NFIB: variants seen among roughly 807,000 people sequenced by gnomAD.
The protein encoded by NFIB is nuclear factor 1 B-type.
In NFIB, 11 loss-of-function variants were observed where a neutral mutation model predicts 61.5. The observed-to-expected ratio is 0.18, with a 90% confidence interval of 0.11 to 0.30. The LOEUF is 0.30. Ranked by LOEUF, NFIB falls within the 10% of genes least tolerant of loss-of-function variation. NFIB has a pLI of 1.00. For synonymous variants in NFIB, 260 were observed against 216.5 expected, an observed-to-expected ratio of 1.20 and a Z score of -1.76; for missense variants, 471 against 608.9, an observed-to-expected ratio of 0.77 and a Z score of 2.38.
chr9:14,249,320 G>A (rs2055307827), intron 2 of NFIB, among the ~76,000 whole-genome samples: 1 of 152,180 alleles, frequency 6.6e-6, no homozygotes, highest in South Asian at 2.1e-4. Flanking sequence ...GTGGAGATGA[G>A]ATACTACCTA....
At chr9:14,178,625 TA>T (rs1482194753) in intron 3 of NFIB, among the ~76,000 whole-genome samples, 1 of 152,230 alleles carries the variant, frequency 6.6e-6, no homozygotes, top group Admixed American at 6.5e-5. Context: ...TTTTCTGAAA[TA>T]AAAAAACATA....
chr9:14,247,001 C>G (rs573125410), intron 2 of NFIB, among the ~76,000 whole-genome samples: 4 of 149,932 alleles, frequency 2.7e-5, no homozygotes, highest in Non-Finnish European at 6.0e-5. Flanking sequence ...TTCACTATAT[C>G]TCTCTCTCTC....
At chr9:14,280,310 T>C (rs534693087) in intron 2 of NFIB, among the ~76,000 whole-genome samples, 9 of 152,236 alleles carry the variant, frequency 5.9e-5, no homozygotes, top group Admixed American at 4.6e-4. Flanking sequence ...TACTAATAGA[T>C]CTTGCCTCAT....
At chr9:14,343,319 A>G (rs954079763) in intron 1 of NFIB, among the ~76,000 whole-genome samples, 4 of 152,054 alleles carry the variant, frequency 2.6e-5, no homozygotes, top group African/African-American at 9.7e-5. Flanking sequence ...ATTTTTCTCT[A>G]AGAGGAGGTG....
At chr9:14,508,609 C>T in the NFIB span, among the ~76,000 whole-genome samples, 2 of 152,196 alleles carry the variant, frequency 1.3e-5, no homozygotes, top group Non-Finnish European at 2.9e-5. Flanking sequence ...AAGTCTATCA[C>T]CAGGGAGTGG....
the NFIB span, among the ~76,000 whole-genome samples, chr9:14,449,862 A>T: frequency 3.3e-5 from 5 of 152,046 alleles, no homozygotes; most frequent in African/African-American, 1.2e-4. Context: ...TCAACCCAGG[A>T]GGTGGAGGTT....
chr9:14,238,836 C>T (rs1223644401), intron 2 of NFIB, among the ~76,000 whole-genome samples: 1 of 152,176 alleles, frequency 6.6e-6, no homozygotes, highest in Admixed American at 6.5e-5. Flanking sequence ...AGATATAAAT[C>T]TGTGGGCTTC....
At chr9:14,200,197 C>T (rs1349608326) in intron 2 of NFIB, among the ~76,000 whole-genome samples, 3 of 152,180 alleles carry the variant, frequency 2.0e-5, no homozygotes, top group Non-Finnish European at 4.4e-5. Context: ...AAATTAGCTT[C>T]TCCTCCTTAA....
chr9:14,134,979 A>AT (rs2040873903), intron 6 of NFIB, among the ~76,000 whole-genome samples: 1 of 152,018 alleles, frequency 6.6e-6, no homozygotes, highest in South Asian at 2.1e-4. Context: ...AACTTACAAA[A>AT]TAGCATATAT....
chr9:14,476,027 C>T, the NFIB span, among the ~76,000 whole-genome samples: 1 of 152,098 alleles, frequency 6.6e-6, no homozygotes, highest in African/African-American at 2.4e-5. Context: ...TCAGAAAATA[C>T]ATTCCTGGAC....
At chr9:14,474,092 G>A in the NFIB span, among the ~76,000 whole-genome samples, 2 of 152,162 alleles carry the variant, frequency 1.3e-5, no homozygotes, top group East Asian at 3.9e-4. Context: ...TTTCAAGGAG[G>A]ATTTTTTCCC....
the NFIB span, among the ~76,000 whole-genome samples, chr9:14,514,746 G>A: frequency 3.7e-4 from 57 of 152,072 alleles, no homozygotes; most frequent in Admixed American, 3.4e-3. Context: ...TTTAGGACAC[G>A]AATTCTCAGT....
At chr9:14,089,819 T>C (rs1329551223) in intron 10 of NFIB, among the ~76,000 whole-genome samples, 2 of 152,154 alleles carry the variant, frequency 1.3e-5, no homozygotes, top group East Asian at 3.8e-4. Flanking sequence ...AATTCTGAAT[T>C]TTTTTTAAAA....
At chr9:14,347,759 T>G (rs1190416572) in intron 1 of NFIB, among the ~76,000 whole-genome samples, 1 of 151,708 alleles carries the variant, frequency 6.6e-6, no homozygotes, top group Non-Finnish European at 1.5e-5. Flanking sequence ...AGTTCCGCGG[T>G]TTTTTTTCCG....
chr9:14,314,399 G>T, upstream of NFIB: 1 of 151,774 alleles, frequency 6.6e-6, no homozygotes, highest in South Asian at 2.1e-4. Context: ...GCTGCCCAGA[G>T]CCCAGGGGTA....
chr9:14,371,636 T>C (rs180749010), intron 1 of NFIB, among the ~76,000 whole-genome samples: 1 of 152,340 alleles, frequency 6.6e-6, no homozygotes, highest in African/African-American at 2.4e-5. Context: ...ATAATTTAGT[T>C]GGGAAACTTT....
chr9:14,196,056 T>C (rs183325283), intron 2 of NFIB, among the ~76,000 whole-genome samples: 2 of 152,290 alleles, frequency 1.3e-5, no homozygotes, highest in African/African-American at 4.8e-5. Flanking sequence ...GCAGTGCTAA[T>C]GGTGCTCCTA....
the NFIB span, among the ~76,000 whole-genome samples, chr9:14,448,154 A>C: frequency 6.6e-6 from 1 of 152,234 alleles, no homozygotes; most frequent in Non-Finnish European, 1.5e-5. Context: ...GGATCACAGA[A>C]AAGTGACTGT....
intron 3 of NFIB, among the ~76,000 whole-genome samples, chr9:14,174,766 CAAAA>C (rs546288962): frequency 3.6e-5 from 2 of 56,004 alleles, no homozygotes; most frequent in African/African-American, 5.0e-5. Flanking sequence ...GACTCCATCT[CAAAA>C]AAAAAAAAAA....
Sources: allele counts gnomAD v4.1 joint callset (sites outside exome capture counted in the v4.1 genomes callset), GRCh38; gene constraint gnomAD v4.1.1; transcripts MANE v1.5; gene names NCBI Gene and HGNC (gene_info 2026-07-23, HGNC 2026-07-21).